EPB41L2: variants seen among roughly 807,000 people sequenced by gnomAD.
The protein encoded by EPB41L2 is band 4.1-like protein 2.
A neutral mutation model predicts 113.0 loss-of-function variants in EPB41L2; 43 were observed. That is an observed-to-expected ratio of 0.38 (90% CI 0.30 to 0.49). The LOEUF (loss-of-function observed/expected upper bound fraction) is 0.49, where lower values mean the gene tolerates loss of function less well. Among genes scored for constraint, EPB41L2 ranks in the 20% least tolerant of loss-of-function variants. The pLI is 0.95. For synonymous variants in EPB41L2, 442 were observed against 436.7 expected (o/e 1.01, Z -0.15); for missense variants, 1,147 against 1,223.4 (o/e 0.94, Z 0.93).
chr6:130,968,842 G>A (rs1195421157), intron 1 of EPB41L2, among the ~76,000 whole-genome samples: 7 of 151,434 alleles, frequency 4.6e-5, no homozygotes, highest in East Asian at 3.9e-4. Context: ...GCTAGAATAC[G>A]TTTTTACTTC....
intron 3 of EPB41L2, among the ~76,000 whole-genome samples, chr6:130,931,638 C>T (rs1244052829): frequency 6.6e-6 from 1 of 152,090 alleles, no homozygotes; most frequent in Admixed American, 6.5e-5. Flanking sequence ...TGGCTCACAA[C>T]TTTGTCTTCA....
intron 18 of EPB41L2, among the ~76,000 whole-genome samples, chr6:130,861,877 A>T (rs1323122178): frequency 6.6e-6 from 1 of 151,460 alleles, no homozygotes. Flanking sequence ...ATCTCCCCAA[A>T]AAAAAAAAAA....
At chr6:131,006,465 G>A (rs557636035) in intron 1 of EPB41L2, among the ~76,000 whole-genome samples, 73 of 151,626 alleles carry the variant, frequency 4.8e-4, no homozygotes, top group Non-Finnish European at 8.3e-4. Flanking sequence ...AGCTCGAGAC[G>A]AGCCTAGTCA....
In EPB41L2 at chr6:130,858,200, T is replaced by C; in HGVS notation, c.2954A>G (p.Asp985Gly). ...AIREAREQHP[D>G]MSVTRVVVHK... is the part of the protein sequence containing the mutation. ...TACCACCACTCTTGTGACCGACATG[T>C]CAGGGTGCTGCTCTCTGGCTTCCCT... The change falls in exon 19 of 20, where the codon GAC (aspartate) becomes GGC (glycine). Residue 985 changes from aspartate (D) to glycine (G), a missense_variant. Transcript: ENST00000337057. 1 of 1,613,988 alleles carries C rather than the reference T, an allele frequency of 6.2e-7. No homozygotes were observed. The highest frequency in any genetic ancestry group is 1.1e-5 in the South Asian group (1 of 91,084).
intron 1 of EPB41L2, among the ~76,000 whole-genome samples, chr6:130,991,814 T>A (rs1448230643): frequency 6.6e-6 from 1 of 152,194 alleles, no homozygotes; most frequent in South Asian, 2.1e-4. Context: ...AGAAGGAGAT[T>A]TGGTCTTTGT....
rs370793796 is a variant in EPB41L2, at chr6:130,926,724, A to G, written c.706-15T>C. The G allele has an allele frequency of 2.6e-5, 40 of 1,548,682 alleles. No homozygotes were observed. Among genetic ancestry groups the G allele is most frequent in the Non-Finnish European group, 3.3e-5 (38 of 1,139,604 alleles). On this transcript the variant is annotated splice_polypyrimidine_tract_variant and intron_variant, in intron 3 of 19. Transcript: ENST00000337057. ...TTGGCATGTTTCTGGAGAAAAAATA[A>G]TAACTTTACTTTTCAAGTACTAAAG... is the stretch of plus-strand genomic sequence containing the variant.
In EPB41L2 at chr6:130,864,283, T is replaced by C. The variant is rs552989761; in HGVS notation, c.2830-565A>G. ...ATGGATTCTGAGCATACAAATTTAT[T>C]TGCTGATTTTGTTTATTGCATTTAG... On this transcript the variant is annotated intron_variant, in intron 17 of 19. Transcript: ENST00000337057. Among the ~76,000 whole-genome samples the C allele has an allele frequency of 2.6e-5, 4 of 152,380 alleles. No individual in the cohort carries two copies. The East Asian group carries it at 7.7e-4, about 29-fold the overall frequency.
chr6:130,944,511 C>T (rs1812102708), intron 3 of EPB41L2, among the ~76,000 whole-genome samples: 1 of 152,118 alleles, frequency 6.6e-6, no homozygotes, highest in Admixed American at 6.5e-5. Context: ...TTGTTCAACA[C>T]AGCAATACAA....
At chr6:130,963,722 T>C (rs182526896) in intron 1 of EPB41L2, among the ~76,000 whole-genome samples, 1 of 152,332 alleles carries the variant, frequency 6.6e-6, no homozygotes, top group East Asian at 1.9e-4. Flanking sequence ...TACGATTTCC[T>C]GAAGTTAAAG....
Position 130,949,871 on chromosome 6 carries a change from T to C in EPB41L2, c.705+5234A>G, listed in dbSNP as rs148001297. On this transcript the variant is annotated intron_variant, in intron 3 of 19. Transcript: ENST00000337057. The stretch of plus-strand genomic sequence containing the variant: ...TGATAATCCACTTCCACTTAATGAA[T>C]AGTAAATATATTTTCTCTCCTTCTT... Among the ~76,000 whole-genome samples the C allele has an allele frequency of 1.1e-4, 16 of 152,282 alleles. No homozygotes were observed. In the East Asian group the frequency reaches 2.7e-3, roughly 26 times the overall value.
chr6:131,040,443 T>TA (rs1043869226), intron 1 of EPB41L2, among the ~76,000 whole-genome samples: 1 of 152,088 alleles, frequency 6.6e-6, no homozygotes, highest in African/African-American at 2.4e-5. Context: ...TGTCTCCACA[T>TA]AAAAAAGGCT....
At chr6:131,038,829 A>C (rs1476943585) in intron 1 of EPB41L2, among the ~76,000 whole-genome samples, 2 of 152,228 alleles carry the variant, frequency 1.3e-5, no homozygotes, top group Non-Finnish European at 2.9e-5. Flanking sequence ...AATGCCTAAC[A>C]AAAGAGTCAT....
chr6:130,930,837 T>A (rs1806586501), intron 3 of EPB41L2, among the ~76,000 whole-genome samples: 1 of 152,110 alleles, frequency 6.6e-6, no homozygotes, highest in Admixed American at 6.6e-5. Flanking sequence ...TTTTATGTGT[T>A]TATAAGAAAT....
chr6:130,886,923 G>A (rs946022368), intron 11 of EPB41L2, among the ~76,000 whole-genome samples: 9 of 152,004 alleles, frequency 5.9e-5, no homozygotes, highest in East Asian at 1.9e-4. Flanking sequence ...GTGAGCCACC[G>A]TGCCCAGCCT....
chr6:130,897,676 A>T (rs943078921), intron 8 of EPB41L2, among the ~76,000 whole-genome samples: 1 of 152,088 alleles, frequency 6.6e-6, no homozygotes, highest in African/African-American at 2.4e-5. Flanking sequence ...CTTCCTCCCT[A>T]TTTCTGTTTC....
intron 7 of EPB41L2, among the ~76,000 whole-genome samples, 179 bp from the exon 8 acceptor site, chr6:130,899,757 T>G (rs1043274979): frequency 6.6e-6 from 1 of 151,120 alleles, no homozygotes; most frequent in Admixed American, 6.6e-5. Flanking sequence ...TCCCTTAAGA[T>G]CCTATAATGT....
chr6:131,001,168 G>C (rs1276125672), intron 1 of EPB41L2, among the ~76,000 whole-genome samples: 1 of 145,638 alleles, frequency 6.9e-6, no homozygotes, highest in Non-Finnish European at 1.5e-5. Flanking sequence ...AGTGTGCTTA[G>C]ACTATAAAGT....
chr6:131,059,339 C>T (rs1204074834), intron 1 of EPB41L2, among the ~76,000 whole-genome samples: 1 of 152,178 alleles, frequency 6.6e-6, no homozygotes, highest in Non-Finnish European at 1.5e-5. Flanking sequence ...TGGTCTCGAT[C>T]TCCTGACCTC....
chr6:130,967,983 T>G (rs1009393174), intron 1 of EPB41L2, among the ~76,000 whole-genome samples: 1 of 151,954 alleles, frequency 6.6e-6, no homozygotes, highest in Non-Finnish European at 1.5e-5. Context: ...ACCAACAAAC[T>G]CCCATGATCA....
Sources: allele counts gnomAD v4.1 joint callset (sites outside exome capture counted in the v4.1 genomes callset), GRCh38; gene constraint gnomAD v4.1.1; transcripts MANE v1.5; gene names NCBI Gene and HGNC (gene_info 2026-07-23, HGNC 2026-07-21).